Variants in CAPN8 observed in about 807,000 individuals in gnomAD.
CAPN8 encodes the protein calpain-8.
In CAPN8, 87 loss-of-function variants were observed where a neutral mutation model predicts 80.9. The observed-to-expected ratio is 1.07, with a 90% CI of 0.90 to 1.28. The LOEUF (loss-of-function observed/expected upper bound fraction) is 1.28, where lower values mean the gene tolerates loss of function less well. Ranked by LOEUF, CAPN8 falls within the 50% of genes most tolerant of loss-of-function variation. The pLI, the probability that CAPN8 is intolerant of heterozygous loss-of-function variation, is 0.00. For missense variants in CAPN8, 757 were observed against 702.0 expected (o/e 1.08, Z -0.89); for synonymous variants, 299 against 273.8 (o/e 1.09, Z -0.91).
chr1:223,544,658 A>G (rs780606371), intron 18 of CAPN8, 114 bp downstream of exon 18: 77 of 1,439,916 alleles, frequency 5.3e-5, no homozygotes, highest in Non-Finnish European at 6.9e-5. Flanking sequence ...TTGCCTTGAT[A>G]TCCCATATAA....
chr1:223,658,207 T>G (rs1451132381), intron 1 of CAPN8, among the ~76,000 whole-genome samples: 1 of 152,232 alleles, frequency 6.6e-6, no homozygotes, highest in Non-Finnish European at 1.5e-5. Flanking sequence ...CTGAGCTGTA[T>G]CTTCAATTAC....
intron 16 of CAPN8, 121 bp downstream of exon 16, chr1:223,549,197 G>T: frequency 7.8e-7 from 1 of 1,279,116 alleles, no homozygotes; most frequent in East Asian, 2.5e-5. Flanking sequence ...TATGCTCCAT[G>T]CCTGCTCTCT....
chr1:223,610,391 T>C (rs569315039), intron 11 of CAPN8, among the ~76,000 whole-genome samples: 95 of 152,266 alleles, frequency 6.2e-4, no homozygotes, highest in African/African-American at 2.2e-3. Flanking sequence ...GTGCCCACAG[T>C]CCTTGAGATT....
chr1:223,651,959 G>A (rs1410337750), intron 2 of CAPN8, among the ~76,000 whole-genome samples: 1 of 152,232 alleles, frequency 6.6e-6, no homozygotes, highest in Non-Finnish European at 1.5e-5. Context: ...ATGGCTGCAA[G>A]GCAGTGAGCA....
chr1:223,614,174 G>A (rs779658228), intron 10 of CAPN8, among the ~76,000 whole-genome samples: 133 of 152,178 alleles, frequency 8.7e-4, no homozygotes, highest in Admixed American at 1.0e-3. Flanking sequence ...CAAAGCGGGT[G>A]GATCACCTGA....
intron 1 of CAPN8, among the ~76,000 whole-genome samples, chr1:223,657,024 C>T (rs1309840499): frequency 6.6e-6 from 1 of 152,156 alleles, no homozygotes; most frequent in Non-Finnish European, 1.5e-5. Flanking sequence ...GTACGTATGT[C>T]TTAGGACATA....
At chr1:223,554,390 C>A (rs939423769) in intron 13 of CAPN8, among the ~76,000 whole-genome samples, 1 of 152,070 alleles carries the variant, frequency 6.6e-6, no homozygotes, top group South Asian at 2.1e-4. Context: ...GAGGCTGAGG[C>A]GGGCAGGTCA....
intron 1 of CAPN8, among the ~76,000 whole-genome samples, chr1:223,654,679 T>G (rs1004046007): frequency 6.6e-6 from 1 of 152,034 alleles, no homozygotes; most frequent in African/African-American, 2.4e-5. Context: ...TTATTTTATT[T>G]TATTTTAAGT....
chr1:223,653,533 G>A (rs1658397426), intron 2 of CAPN8, among the ~76,000 whole-genome samples: 1 of 152,106 alleles, frequency 6.6e-6, no homozygotes, highest in African/African-American at 2.4e-5. Flanking sequence ...TCAGTAAGCA[G>A]GATTTGTTTC....
At chr1:223,656,568 C>T (rs1271411950) in intron 1 of CAPN8, among the ~76,000 whole-genome samples, 4 of 151,992 alleles carry the variant, frequency 2.6e-5, no homozygotes, top group Non-Finnish European at 5.9e-5. Context: ...ACACAAAATC[C>T]CTTCCGCCTC....
chr1:223,646,569 T>A (rs1658197681), intron 2 of CAPN8, among the ~76,000 whole-genome samples: 1 of 152,258 alleles, frequency 6.6e-6, no homozygotes, highest in South Asian at 2.1e-4. Flanking sequence ...CCTTGGGGAC[T>A]GGGACATTGC....
At chr1:223,547,219 A>G (rs1656647525) in intron 16 of CAPN8, among the ~76,000 whole-genome samples, 1 of 152,160 alleles carries the variant, frequency 6.6e-6, no homozygotes, top group South Asian at 2.1e-4. Context: ...GTCAATTTTT[A>G]AAATTTTTTT....
intron 7 of CAPN8, among the ~76,000 whole-genome samples, chr1:223,621,826 A>T (rs1657402029): frequency 6.6e-6 from 1 of 151,306 alleles, no homozygotes; most frequent in Admixed American, 6.6e-5. Flanking sequence ...GACCATTTTC[A>T]TTTCTGGTGG....
At chr1:223,629,685 C>T (rs568291634) in intron 2 of CAPN8, among the ~76,000 whole-genome samples, 1 of 152,324 alleles carries the variant, frequency 6.6e-6, no homozygotes, top group African/African-American at 2.4e-5. Flanking sequence ...TACTTATTTG[C>T]TTATTCCACA....
At chr1:223,626,293 C>T (rs1215772320) in intron 5 of CAPN8, among the ~76,000 whole-genome samples, 1 of 152,192 alleles carries the variant, frequency 6.6e-6, no homozygotes, top group African/African-American at 2.4e-5. Flanking sequence ...TCAGCACCCC[C>T]TCTCCCATGC....
At chr1:223,612,157 A>T in intron 11 of CAPN8, 89 bp downstream of exon 11, 1 of 1,124,078 alleles carries the variant, frequency 8.9e-7, no homozygotes, top group Non-Finnish European at 1.1e-6. Flanking sequence ...AGCTTCTACC[A>T]CAGGAAACAG....
In CAPN8 at chr1:223,557,472, C is replaced by G. The variant is rs1038695945; in HGVS notation, c.1572+659G>C. Among the ~76,000 whole-genome samples the G allele has an allele frequency of 8.5e-5, 13 of 152,310 alleles. No individual in the cohort carries two copies. In the South Asian group the frequency reaches 2.7e-3, roughly 32 times the overall value. On this transcript the variant is annotated intron_variant, in intron 13 of 20. Transcript: ENST00000366872. ...CAGTGCCCACTGGCCACAGACACAG[C>G]ATGGCTCTCAGGGAGCAGCAGCACC...
At chr1:223,615,437 G>T (rs1223833665) in intron 10 of CAPN8, among the ~76,000 whole-genome samples, 2 of 152,202 alleles carry the variant, frequency 1.3e-5, no homozygotes, top group African/African-American at 4.8e-5. Context: ...TGCAGCGTGA[G>T]CCCAGAGACA....
chr1:223,545,863 G>T (rs376570519), intron 16 of CAPN8, among the ~76,000 whole-genome samples: 9 of 128,462 alleles, frequency 7.0e-5, no homozygotes, highest in African/African-American at 2.8e-4. Context: ...TCTCTCTGTC[G>T]CCCAGGCTGG....
Sources: allele counts gnomAD v4.1 joint callset (sites outside exome capture counted in the v4.1 genomes callset), GRCh38; gene constraint gnomAD v4.1.1; transcripts MANE v1.5; gene names NCBI Gene and HGNC (gene_info 2026-07-23, HGNC 2026-07-21).